LHFPL2: variants seen among roughly 807,000 people sequenced by gnomAD.
LHFPL2 encodes the protein LHFPL tetraspan subfamily member 2.
In LHFPL2, 7 loss-of-function variants were observed where a neutral mutation model predicts 17.5. That is an observed-to-expected ratio of 0.40 (90% CI 0.23 to 0.75). LHFPL2 has a LOEUF of 0.75. LHFPL2 is among the 30% of genes least tolerant of loss of function. The pLI is 0.37. For missense variants in LHFPL2, 241 were observed against 294.8 expected (o/e 0.82, Z 1.34); for synonymous variants, 134 against 116.2 (o/e 1.15, Z -0.99).
intron 3 of LHFPL2, among the ~76,000 whole-genome samples, chr5:78,531,057 T>A (rs1447484391): frequency 6.6e-6 from 1 of 152,002 alleles, no homozygotes; most frequent in Non-Finnish European, 1.5e-5. Flanking sequence ...TTTAAGGGGG[T>A]GCAAAATGGT....
At chr5:78,557,389 A>G (rs1465157808) in intron 3 of LHFPL2, among the ~76,000 whole-genome samples, 3 of 152,166 alleles carry the variant, frequency 2.0e-5, no homozygotes, top group African/African-American at 7.2e-5. Context: ...AAGTCCATGA[A>G]AGCACTTGAC....
In LHFPL2 at chr5:78,510,044, T is replaced by C. The variant is rs1561312722; in HGVS notation, c.170A>G (p.Tyr57Cys). 5 of 1,609,900 alleles carry C rather than the reference T, an allele frequency of 3.1e-6. No homozygotes were observed. Among genetic ancestry groups the C allele is most frequent in the Non-Finnish European group, 4.2e-6 (5 of 1,178,424 alleles). ...AGPGGGSPEPYHPTLGIYARC... is the reference protein window; with the variant it reads ...AGPGGGSPEPCHPTLGIYARC... ...GGCGTAGATGCCCAGGGTGGGGTGGTAGGGCTCCGGGGAGCCCCCGCCCGG... is the reference window on the plus strand; with the variant it reads ...GGCGTAGATGCCCAGGGTGGGGTGGCAGGGCTCCGGGGAGCCCCCGCCCGG... The change falls in exon 4 of 5, where the codon TAC becomes TGC. Residue 57 changes from tyrosine (Y) to cysteine (C), a missense_variant. Transcript: ENST00000380345.
chr5:78,511,954 G>A (rs1755141965), intron 3 of LHFPL2, among the ~76,000 whole-genome samples: 1 of 152,130 alleles, frequency 6.6e-6, no homozygotes, highest in African/African-American at 2.4e-5. Context: ...CTCCAGCACT[G>A]ACCATATGGA....
At chr5:78,526,100 G>A (rs780016414) in intron 3 of LHFPL2, among the ~76,000 whole-genome samples, 6 of 151,948 alleles carry the variant, frequency 3.9e-5, no homozygotes, top group Non-Finnish European at 7.4e-5. Context: ...ACAAAGCCCC[G>A]CTCTCTGCCT....
intron 3 of LHFPL2, among the ~76,000 whole-genome samples, chr5:78,519,171 C>T (rs900150229): frequency 4.0e-5 from 6 of 151,654 alleles, no homozygotes; most frequent in African/African-American, 9.7e-5. Context: ...GAGAGAGACG[C>T]GAGGCAAGAG....
intron 3 of LHFPL2, among the ~76,000 whole-genome samples, chr5:78,530,657 C>T (rs1755754154): frequency 6.6e-6 from 1 of 152,188 alleles, no homozygotes; most frequent in Non-Finnish European, 1.5e-5. Context: ...CCTTATTAAT[C>T]ACTTTTATAA....
rs531118881 is a variant in LHFPL2 at position 78,526,263 on chromosome 5, T to C, written c.-185-15865A>G. Among the ~76,000 whole-genome samples the C allele has an allele frequency of 1.5e-4, 23 of 152,304 alleles. No homozygotes were observed. In the East Asian group the frequency reaches 3.3e-3, roughly 22 times the overall value. On this transcript the variant is annotated intron_variant, in intron 3 of 4. Transcript: ENST00000380345. ...CTGGAACACAAATACTGTGAGTCAA[T>C]CAGCACTCAAATCTCCTTGGGTTTA...
In LHFPL2 at chr5:78,489,006, A is replaced by C. The variant is rs758192058; in HGVS notation, c.578T>G (p.Val193Gly). Residue 193 changes from valine to glycine, a missense_variant, in exon 5 of 5, where the codon GTC becomes GGC. By Grantham distance (109) the Val-to-Gly change is moderately radical. Transcript: ENST00000380345. Reference sequence around the variant, plus strand: ...GAAGACAGCACAGATGAAAGTGAGGACTGTGCCCCCAATGGCGGTATAAAA... The same window carrying C: ...GAAGACAGCACAGATGAAAGTGAGGCCTGTGCCCCCAATGGCGGTATAAAA... The part of the protein sequence containing the change: ...WAFYTAIGGT[V>G]LTFICAVFSA... 29 of 1,614,074 alleles carry C rather than the reference A, an allele frequency of 1.8e-5. No homozygotes were observed. The highest frequency in any genetic ancestry group is 2.0e-5 in the Non-Finnish European group (24 of 1,180,024).
At chr5:78,524,776 C>T (rs1045328934) in intron 3 of LHFPL2, among the ~76,000 whole-genome samples, 1 of 151,576 alleles carries the variant, frequency 6.6e-6, no homozygotes, top group Admixed American at 6.6e-5. Context: ...GTTAGACATC[C>T]TCAGAATCTC....
intron 2 of LHFPL2, among the ~76,000 whole-genome samples, chr5:78,611,079 G>T (rs767435313): frequency 3.9e-5 from 6 of 152,176 alleles, no homozygotes; most frequent in Admixed American, 2.6e-4. Context: ...GACAAAGGAG[G>T]TATAAATTCT....
At chr5:78,617,059 A>T (rs1280185861) in intron 2 of LHFPL2, among the ~76,000 whole-genome samples, 1 of 147,742 alleles carries the variant, frequency 6.8e-6, no homozygotes, top group Non-Finnish European at 1.5e-5. Flanking sequence ...ATGGAGTTTT[A>T]CTCTTGTTGC....
chr5:78,575,498 A>C (rs1403276328), intron 2 of LHFPL2, among the ~76,000 whole-genome samples: 1 of 152,050 alleles, frequency 6.6e-6, no homozygotes, highest in Non-Finnish European at 1.5e-5. Flanking sequence ...GCAGTGAGCC[A>C]AGATTGCGCC....
At chr5:78,584,993 G>GTTTTTTTTTTTTT (rs1561352310) in intron 2 of LHFPL2, among the ~76,000 whole-genome samples, 6 of 84,758 alleles carry the variant, frequency 7.1e-5, no homozygotes, top group African/African-American at 3.0e-4. Flanking sequence ...CTGGTGCGCT[G>GTTTTTTTTTTTTT]TGTTTTTTTT....
intron 2 of LHFPL2, among the ~76,000 whole-genome samples, chr5:78,612,863 T>A (rs577144387): frequency 6.6e-6 from 1 of 152,372 alleles, no homozygotes; most frequent in East Asian, 1.9e-4. Flanking sequence ...GATTTCCTAA[T>A]GAATTAAGGC....
chr5:78,625,769 G>T (rs1407235769), intron 2 of LHFPL2: 7 of 152,172 alleles, frequency 4.6e-5, no homozygotes, highest in African/African-American at 1.7e-4. Flanking sequence ...AGGCACCAAA[G>T]GTATGAAGGT....
intron 4 of LHFPL2, among the ~76,000 whole-genome samples, chr5:78,499,692 G>A (rs959404501): frequency 9.2e-5 from 14 of 152,236 alleles, no homozygotes; most frequent in African/African-American, 3.1e-4. Flanking sequence ...CCACAGGAGT[G>A]CCGTGAGGGG....
At chr5:78,505,217 G>A (rs1044948670) in intron 4 of LHFPL2, among the ~76,000 whole-genome samples, 2 of 152,192 alleles carry the variant, frequency 1.3e-5, no homozygotes, top group African/African-American at 4.8e-5. Flanking sequence ...CACAACCTAA[G>A]GAAGACAGCT....
intron 2 of LHFPL2, among the ~76,000 whole-genome samples, chr5:78,584,475 T>A (rs1176903728): frequency 7.2e-5 from 11 of 152,296 alleles, no homozygotes; most frequent in African/African-American, 2.6e-4. Flanking sequence ...TGGATGTCCT[T>A]TCTGTTTGTG....
chr5:78,604,359 C>T (rs916015258), intron 2 of LHFPL2, among the ~76,000 whole-genome samples: 10 of 152,190 alleles, frequency 6.6e-5, no homozygotes, highest in Non-Finnish European at 1.3e-4. Context: ...CGCCTGTAAT[C>T]CCAGCTACTC....
Sources: allele counts gnomAD v4.1 joint callset (sites outside exome capture counted in the v4.1 genomes callset), GRCh38; gene constraint gnomAD v4.1.1; transcripts MANE v1.5; gene names NCBI Gene and HGNC (gene_info 2026-07-23, HGNC 2026-07-21).